Variants in ANKS1B observed in about 807,000 individuals in gnomAD.
ANKS1B encodes ankyrin repeat and sterile alpha motif domain-containing protein 1B.
ANKS1B carries 36 observed loss-of-function variants against 148.3 expected under a neutral mutation model. The ratio of observed to expected loss-of-function variants is 0.24; its 90% CI spans 0.19 to 0.32. The LOEUF is 0.32. ANKS1B is among the 10% of genes least tolerant of loss of function. ANKS1B has a pLI of 1.00. For missense variants in ANKS1B, 1,157 were observed against 1,542.6 expected (o/e 0.75, Z 4.19); for synonymous variants, 542 against 560.8 (o/e 0.97, Z 0.47).
chr12:98,970,576 C>G (rs2153201031), intron 17 of ANKS1B, among the ~76,000 whole-genome samples: 1 of 152,282 alleles, frequency 6.6e-6, no homozygotes, highest in Non-Finnish European at 1.5e-5. Context: ...CTTTTCTGTA[C>G]TAATTGGAAA....
intron 9 of ANKS1B, among the ~76,000 whole-genome samples, chr12:99,525,032 A>C (rs555976807): frequency 5.3e-5 from 8 of 152,174 alleles, no homozygotes; most frequent in Non-Finnish European, 8.8e-5. Flanking sequence ...CCAGAAAGGA[A>C]AGCAGCCCTT....
intron 9 of ANKS1B, chr12:99,648,520 G>C (rs1435621050): frequency 6.2e-7 from 1 of 1,614,090 alleles, no homozygotes; most frequent in South Asian, 1.1e-5. Flanking sequence ...AGAGATCTTA[G>C]AACTAACCAG....
intron 9 of ANKS1B, among the ~76,000 whole-genome samples, chr12:99,548,394 G>A (rs930497181): frequency 2.6e-5 from 4 of 151,998 alleles, no homozygotes; most frequent in Non-Finnish European, 5.9e-5. Flanking sequence ...AGCACATTAG[G>A]TGCTCAATAA....
chr12:98,750,008 G>T (rs956652280), intron 26 of ANKS1B, among the ~76,000 whole-genome samples: 2 of 152,132 alleles, frequency 1.3e-5, no homozygotes, highest in Non-Finnish European at 2.9e-5. Context: ...GCTGTGGGGT[G>T]GGGAAGTTGG....
rs1166735066 is a variant in ANKS1B at position 99,059,804 on chromosome 12, T to TATATATATATATATATATATATGA, written c.2626-6496_2626-6495insTCATATATATATATATATATATAT. On this transcript the variant is annotated intron_variant, in intron 16 of 26. Coordinates refer to ENST00000683438, the MANE Select transcript of ANKS1B (RefSeq NM_001352186.2). ...ACTAAAATTCATATATATATATATA[T>TATATATATATATATATATATATGA]ATGATAGGACGTGTAGACTAAAGGT... Among the ~76,000 whole-genome samples the TATATATATATATATATATATATGA allele has an allele frequency of 1.8e-3, 267 of 146,732 alleles. 2 individuals carry two copies. The highest frequency in any genetic ancestry group is 6.6e-3 in the African/African-American group (259 of 39,186).
intron 9 of ANKS1B, among the ~76,000 whole-genome samples, chr12:99,637,793 A>ATATATATATAT (rs1415058475): frequency 2.6e-5 from 3 of 117,584 alleles, no homozygotes; most frequent in Non-Finnish European, 5.7e-5. Flanking sequence ...TCCCCTTTCT[A>ATATATATATAT]TATATATATA....
chr12:98,763,407 C>T (rs562060192), intron 25 of ANKS1B, among the ~76,000 whole-genome samples: 71 of 152,268 alleles, frequency 4.7e-4, no homozygotes, highest in African/African-American at 1.7e-3. Context: ...ATTAGCAATT[C>T]TGCTAAGATG....
chr12:99,611,313 T>C (rs1319327725), intron 9 of ANKS1B, among the ~76,000 whole-genome samples: 2 of 152,132 alleles, frequency 1.3e-5, no homozygotes, highest in Admixed American at 6.5e-5. Context: ...ATCTCCCAAT[T>C]CCACGTTTCT....
intron 9 of ANKS1B, among the ~76,000 whole-genome samples, chr12:99,614,464 G>A (rs1221248156): frequency 2.0e-5 from 3 of 147,328 alleles, no homozygotes; most frequent in African/African-American, 7.5e-5. Flanking sequence ...GGGAAGAGGA[G>A]GGGAGGGGAG....
At position 99,812,267 on chromosome 12, in the gene ANKS1B, A is replaced by T; in HGVS notation, c.260T>A (p.Val87Glu). Reference protein sequence around the residue: ...KLLQYEASTNVADNKGYFPIH... With the variant: ...KLLQYEASTNEADNKGYFPIH... ...AGGAAAATACCCTTTGTTGTCTGCT[A>T]CATTTGTTGATGCCTCATACTGAAG... Residue 87 changes from valine (V) to glutamate (E), a missense_variant, in exon 3 of 27, where the codon GTA becomes GAA. By Grantham distance (121) the Val-to-Glu change is moderately radical. This residue lies in a region of ANKS1B where 164 missense variants were observed against 232.6 expected (regional missense o/e 0.71). Transcript: ENST00000683438. The T allele has an allele frequency of 6.2e-7, 1 of 1,611,814 alleles. No individual in the cohort carries two copies. The highest frequency in any genetic ancestry group is 8.5e-7 in the Non-Finnish European group (1 of 1,178,484).
At chr12:99,069,230 C>A (rs116108500) in intron 16 of ANKS1B, among the ~76,000 whole-genome samples, 1,634 of 152,202 alleles carry the variant, frequency 0.011, 29 homozygotes, top group African/African-American at 0.037. Flanking sequence ...TGCTGGGTCT[C>A]GGGACACAAG....
chr12:99,374,972 GTAA>G (rs1278251263), intron 12 of ANKS1B, among the ~76,000 whole-genome samples: 1 of 152,168 alleles, frequency 6.6e-6, no homozygotes, highest in Non-Finnish European at 1.5e-5. Context: ...CTGTTGTAAA[GTAA>G]TAATGACGGC....
At chr12:99,174,291 C>A (rs1356044881) in intron 14 of ANKS1B, among the ~76,000 whole-genome samples, 1 of 152,172 alleles carries the variant, frequency 6.6e-6, no homozygotes, top group Non-Finnish European at 1.5e-5. Context: ...GAGCCCCTTG[C>A]CCTGGCCTAC....
chr12:99,074,264 A>G (rs1382863208), intron 16 of ANKS1B, among the ~76,000 whole-genome samples: 1 of 151,738 alleles, frequency 6.6e-6, no homozygotes, highest in Admixed American at 6.6e-5. Flanking sequence ...TCAGAAGGAG[A>G]TTAGGAGTAA....
At chr12:99,577,587 C>A (rs1474680706) in intron 9 of ANKS1B, among the ~76,000 whole-genome samples, 18 of 151,800 alleles carry the variant, frequency 1.2e-4, no homozygotes, top group Admixed American at 1.2e-3. Context: ...CCCTCAGAGA[C>A]AATTATAAAC....
Position 99,703,419 on chromosome 12 carries a change from C to T in ANKS1B, c.1129-48209G>A, listed in dbSNP as rs908734478. Among the ~76,000 whole-genome samples the T allele has an allele frequency of 5.3e-5, 8 of 152,226 alleles. 1 individual carries two copies. Among genetic ancestry groups the T allele is most frequent in the African/African-American group, 1.9e-4 (8 of 41,550 alleles). On this transcript the variant is annotated intron_variant, in intron 8 of 26. Transcript: ENST00000683438. ...AATTAACTAACTGGCATCCATTGCT[C>T]TTCTCAAAAATGTTTTTATATTTTG... is the stretch of plus-strand genomic sequence containing the variant.
chr12:99,494,084 T>A (rs1481929740), intron 10 of ANKS1B, among the ~76,000 whole-genome samples: 1 of 152,178 alleles, frequency 6.6e-6, no homozygotes, highest in Non-Finnish European at 1.5e-5. Context: ...AAAATCTACC[T>A]TAGACGACAA....
chr12:99,696,396 T>C (rs2053920329), intron 8 of ANKS1B, among the ~76,000 whole-genome samples: 2 of 152,092 alleles, frequency 1.3e-5, no homozygotes, highest in African/African-American at 4.8e-5. Flanking sequence ...GACAAACATA[T>C]TAGTGGAACA....
intron 12 of ANKS1B, among the ~76,000 whole-genome samples, chr12:99,309,913 G>A (rs1288581798): frequency 6.6e-6 from 1 of 152,094 alleles, no homozygotes; most frequent in Non-Finnish European, 1.5e-5. Context: ...TAGTAATCAC[G>A]AGTTTGGAGT....
Sources: gnomAD v4.1 joint callset for allele counts (sites outside exome capture counted in the v4.1 genomes callset) on GRCh38, gnomAD v4.1.1 for gene constraint, gnomAD v4.1.1 regional missense constraint, MANE v1.5 for transcripts, NCBI Gene and HGNC (gene_info 2026-07-23, HGNC 2026-07-21) for gene names.